The following MAGI2 variants were observed in gnomAD, a reference collection of about 807,000 sequenced individuals.
The protein encoded by MAGI2 is membrane associated guanylate kinase, WW and PDZ domain containing 2.
A neutral mutation model predicts 133.3 loss-of-function variants in MAGI2; 35 were observed. That is an observed-to-expected ratio of 0.26 (90% confidence interval 0.20 to 0.35). MAGI2 has a LOEUF of 0.35. MAGI2 is among the 10% of genes least tolerant of loss of function. The pLI is 1.00. For synonymous variants in MAGI2, 729 were observed against 710.6 expected (o/e 1.03, Z -0.41); for missense variants, 1,636 against 1,863.4 (o/e 0.88, Z 2.25).
chr7:79,144,778 T>G (rs1421079879), intron 1 of MAGI2, among the ~76,000 whole-genome samples: 2 of 152,198 alleles, frequency 1.3e-5, no homozygotes. Flanking sequence ...ATGTCAGTGC[T>G]CCAAAGAGAG....
chr7:78,863,071 T>G (rs1442203838), intron 2 of MAGI2, among the ~76,000 whole-genome samples: 1 of 152,170 alleles, frequency 6.6e-6, no homozygotes, highest in Admixed American at 6.5e-5. Context: ...CCAAATAAAC[T>G]TGTGTAGAGG....
At chr7:78,549,442 G>A (rs907633307) in intron 3 of MAGI2, among the ~76,000 whole-genome samples, 2 of 151,448 alleles carry the variant, frequency 1.3e-5, no homozygotes, top group African/African-American at 4.9e-5. Context: ...AAAATCACCC[G>A]ATTCCTCACA....
intron 21 of MAGI2, among the ~76,000 whole-genome samples, chr7:78,034,058 A>G (rs746823581): frequency 2.6e-5 from 4 of 152,168 alleles, no homozygotes; most frequent in Non-Finnish European, 5.9e-5. Flanking sequence ...GCAAATTTCT[A>G]TATTATTTGT....
intron 2 of MAGI2, among the ~76,000 whole-genome samples, chr7:78,895,522 TA>T (rs5885100): frequency 3.3e-5 from 5 of 150,026 alleles, no homozygotes; most frequent in East Asian, 2.0e-4. Context: ...TGTAGAGCTT[TA>T]AAAAAAAAAG....
intron 1 of MAGI2, among the ~76,000 whole-genome samples, chr7:79,350,394 GA>G (rs754044966): frequency 9.9e-5 from 15 of 151,968 alleles, no homozygotes; most frequent in Non-Finnish European, 2.2e-4. Context: ...AACAAGCACA[GA>G]ATTTATTTTA....
rs141050131 is a variant in MAGI2 at position 78,316,798 on chromosome 7, T to C, written c.1408+26980A>G. Among the ~76,000 whole-genome samples, 9 of 152,330 alleles carry C rather than the reference T, an allele frequency of 5.9e-5. No individual in the cohort carries two copies. The East Asian group carries it at 1.7e-3, about 29-fold the overall frequency. On this transcript the variant is annotated intron_variant, in intron 9 of 21. Coordinates refer to ENST00000354212, the MANE Select transcript of MAGI2 (RefSeq NM_012301.4). ...GTAAATACTGTTCAATCCTTACAGA[T>C]TTTATAAACTATATAGGACAGCAGA... is the stretch of plus-strand genomic sequence containing the variant.
chr7:79,210,380 A>G (rs949811385), intron 1 of MAGI2, among the ~76,000 whole-genome samples: 1 of 152,078 alleles, frequency 6.6e-6, no homozygotes, highest in African/African-American at 2.4e-5. Flanking sequence ...CTTTCAGACC[A>G]GTCTTGATTG....
At chr7:79,306,188 CAT>C (rs145878039) in intron 1 of MAGI2, among the ~76,000 whole-genome samples, 3 of 142,978 alleles carry the variant, frequency 2.1e-5, no homozygotes, top group Non-Finnish European at 4.6e-5. Context: ...TATATATACA[CAT>C]ATATATATAC....
At chr7:78,125,959 G>C in intron 19 of MAGI2, 122 bp from the exon 20 acceptor site, 1 of 1,039,216 alleles carries the variant, frequency 9.6e-7, no homozygotes, top group South Asian at 1.7e-5. Flanking sequence ...ATGATGTTGG[G>C]AGAAGTCGTA....
At chr7:79,420,097 C>T (rs1189396149) in intron 1 of MAGI2, among the ~76,000 whole-genome samples, 2 of 152,016 alleles carry the variant, frequency 1.3e-5, no homozygotes, top group Admixed American at 1.3e-4. Context: ...TTTAGATAGC[C>T]TGGATCTTTC....
chr7:79,184,212 A>G (rs963881041), intron 1 of MAGI2, among the ~76,000 whole-genome samples: 1 of 151,762 alleles, frequency 6.6e-6, no homozygotes, highest in Non-Finnish European at 1.5e-5. Flanking sequence ...TAATTATTCT[A>G]TAATGTACAC....
At chr7:79,242,314 A>C (rs1832475802) in intron 1 of MAGI2, among the ~76,000 whole-genome samples, 1 of 152,160 alleles carries the variant, frequency 6.6e-6, no homozygotes, top group South Asian at 2.1e-4. Context: ...CTGTCAATTA[A>C]GAAGAATTAA....
intron 1 of MAGI2, among the ~76,000 whole-genome samples, chr7:79,227,906 A>T (rs1365902384): frequency 6.6e-6 from 1 of 152,130 alleles, no homozygotes; most frequent in Non-Finnish European, 1.5e-5. Context: ...TTGTGACAAA[A>T]TGCTGCTTAA....
At chr7:78,965,547 A>T (rs1803236871) in intron 2 of MAGI2, among the ~76,000 whole-genome samples, 1 of 151,118 alleles carries the variant, frequency 6.6e-6, no homozygotes, top group Non-Finnish European at 1.5e-5. Flanking sequence ...TAGCCTAGAG[A>T]TTTTTTTTTC....
chr7:78,536,860 C>T (rs752535388), intron 3 of MAGI2, among the ~76,000 whole-genome samples: 4 of 147,394 alleles, frequency 2.7e-5, no homozygotes, highest in Admixed American at 1.4e-4. Context: ...TGTTTGGTTA[C>T]GTGGATAAGA....
At chr7:78,641,998 C>G (rs1355844623) in intron 2 of MAGI2, among the ~76,000 whole-genome samples, 1 of 152,074 alleles carries the variant, frequency 6.6e-6, no homozygotes, top group Non-Finnish European at 1.5e-5. Flanking sequence ...GACCTTGCTT[C>G]CATTTTAGGG....
intron 2 of MAGI2, among the ~76,000 whole-genome samples, chr7:78,833,718 C>G (rs1791386504): frequency 6.6e-6 from 1 of 152,182 alleles, no homozygotes; most frequent in Non-Finnish European, 1.5e-5. Flanking sequence ...AGCCTAGGGG[C>G]TTCAGAAGCA....
At chr7:78,585,901 C>G (rs763345761) in intron 3 of MAGI2, among the ~76,000 whole-genome samples, 18 of 152,070 alleles carry the variant, frequency 1.2e-4, no homozygotes, top group Non-Finnish European at 2.4e-4. Flanking sequence ...GTAGATGAAC[C>G]CCAGAGAATG....
intron 1 of MAGI2, among the ~76,000 whole-genome samples, chr7:79,128,799 A>G (rs945165862): frequency 2.0e-4 from 30 of 152,194 alleles, no homozygotes; most frequent in Admixed American, 5.9e-4. Flanking sequence ...TAAACCTATC[A>G]TCGTAAGTTG....
Sources: gnomAD v4.1 joint callset for allele counts (sites outside exome capture counted in the v4.1 genomes callset) on GRCh38, gnomAD v4.1.1 for gene constraint, MANE v1.5 for transcripts, NCBI Gene and HGNC (gene_info 2026-07-23, HGNC 2026-07-21) for gene names.